Variants in LRRC7 observed in about 807,000 individuals in gnomAD.
The protein encoded by LRRC7 is leucine-rich repeat-containing protein 7.
A neutral mutation model predicts 175.7 loss-of-function variants in LRRC7; 23 were observed. The observed-to-expected ratio is 0.13, with a 90% CI of 0.09 to 0.19. The LOEUF (loss-of-function observed/expected upper bound fraction) is 0.19. Ranked by LOEUF, LRRC7 falls within the 10% of genes least tolerant of loss-of-function variation. The probability of loss-of-function intolerance (pLI) is 1.00; values close to 1 mark genes in which losing one functional copy is unlikely to be tolerated. For synonymous variants in LRRC7, 685 were observed against 680.9 expected, an observed-to-expected ratio of 1.01 and a Z score of -0.09; for missense variants, 1,354 against 1,904.7, an observed-to-expected ratio of 0.71 and a Z score of 5.38.
At chr1:70,054,754 C>T (rs56127360) in intron 23 of LRRC7, among the ~76,000 whole-genome samples, 19,413 of 151,686 alleles carry the variant, frequency 0.13, 1,696 homozygotes, top group African/African-American at 0.24. Flanking sequence ...GGCCTGCCAC[C>T]ATGCCTGGCC....
chr1:69,697,253 TTCCTCCTGGATATTTTACAC>T (rs1383104838), intron 2 of LRRC7, among the ~76,000 whole-genome samples: 34 of 152,350 alleles, frequency 2.2e-4, no homozygotes, highest in African/African-American at 7.2e-4. Flanking sequence ...ACAACTGCAA[TTCCTCCTGGATATTTTACAC>T]AAACTCAATT....
chr1:69,719,616 A>C (rs1479468364), intron 2 of LRRC7, among the ~76,000 whole-genome samples: 1 of 151,602 alleles, frequency 6.6e-6, no homozygotes, highest in Non-Finnish European at 1.5e-5. Context: ...AAATCTTTTT[A>C]AACTGTTTTT....
At chr1:69,687,110 C>T (rs1661242651) in intron 2 of LRRC7, among the ~76,000 whole-genome samples, 1 of 152,094 alleles carries the variant, frequency 6.6e-6, no homozygotes, top group African/African-American at 2.4e-5. Flanking sequence ...ATTAGCTTTG[C>T]TGTATCTTTT....
chr1:69,830,249 T>C (rs1680373102), intron 5 of LRRC7, among the ~76,000 whole-genome samples: 2 of 151,802 alleles, frequency 1.3e-5, no homozygotes, highest in African/African-American at 4.8e-5. Context: ...TAAATTACAG[T>C]ACATCTATGG....
rs145888652 is a variant in LRRC7 at position 69,890,110 on chromosome 1, G to T, written c.648-41397G>T. On this transcript the variant is annotated intron_variant, in intron 7 of 26. Transcript: ENST00000651989. ...TGATCTCCTCTCATAAATTATGATT[G>T]CTGTTAATGGCATCTAGAATGGTGA... 8.6e-4 allele frequency among the ~76,000 whole-genome samples: 131 copies of T among 152,254 alleles called. 2 individuals are homozygous for T. The highest frequency in any genetic ancestry group is 2.9e-3 in the African/African-American group (121 of 41,544).
intron 1 of LRRC7, among the ~76,000 whole-genome samples, chr1:69,671,831 C>T (rs1018345176): frequency 1.3e-5 from 2 of 152,112 alleles, no homozygotes; most frequent in Non-Finnish European, 2.9e-5. Flanking sequence ...TGCATTCATC[C>T]TGTCTCAAGT....
At chr1:69,957,851 G>T (rs1343524547) in intron 8 of LRRC7, among the ~76,000 whole-genome samples, 1 of 151,800 alleles carries the variant, frequency 6.6e-6, no homozygotes, top group Non-Finnish European at 1.5e-5. Flanking sequence ...GACCTTATTT[G>T]TTTTCCACTC....
intron 2 of LRRC7, among the ~76,000 whole-genome samples, chr1:69,697,803 T>A (rs1349697304): frequency 6.6e-6 from 1 of 152,174 alleles, no homozygotes. Context: ...TGTTCATTAG[T>A]GATAAAACTG....
chr1:70,015,488 T>C (rs1220216797), intron 13 of LRRC7, among the ~76,000 whole-genome samples: 5 of 152,154 alleles, frequency 3.3e-5, no homozygotes, highest in African/African-American at 1.2e-4. Context: ...TTCTATATTA[T>C]ATCTAAAATG....
At chr1:69,590,112 G>C (rs1438994509) in intron 1 of LRRC7, among the ~76,000 whole-genome samples, 1 of 151,948 alleles carries the variant, frequency 6.6e-6, no homozygotes, top group Non-Finnish European at 1.5e-5. Flanking sequence ...AATATTTTCT[G>C]TTCATAATAT....
intron 2 of LRRC7, among the ~76,000 whole-genome samples, chr1:69,712,196 C>T (rs1425270523): frequency 1.3e-5 from 2 of 151,792 alleles, no homozygotes; most frequent in African/African-American, 2.4e-5. Context: ...GCCAAGTGTA[C>T]CCCCAACCAA....
intron 24 of LRRC7, 97 bp downstream of exon 24, chr1:70,076,395 AT>A: frequency 9.6e-7 from 1 of 1,047,030 alleles, no homozygotes; most frequent in Non-Finnish European, 1.4e-6. Context: ...CCAGGACACA[AT>A]GCCATCACCA....
intron 2 of LRRC7, among the ~76,000 whole-genome samples, chr1:69,755,194 C>T (rs1257062061): frequency 6.6e-6 from 1 of 151,754 alleles, no homozygotes; most frequent in Non-Finnish European, 1.5e-5. Flanking sequence ...ATCAAAACTT[C>T]CTTTAAACAT....
rs568566315 is a variant in LRRC7, at chr1:70,046,507, G to T, written c.4110+2413G>T. Among the ~76,000 whole-genome samples the T allele has an allele frequency of 9.2e-5, 14 of 152,088 alleles. 1 individual carries two copies. The South Asian group carries it at 2.5e-3, about 27-fold the overall frequency. ...AATTATCGTCAATATTTTATTATCT[G>T]CACCAAAAAAAGAAGAAAAGTAGAG... On this transcript the variant is annotated intron_variant, in intron 22 of 26. Coordinates refer to ENST00000651989, the MANE Select transcript of LRRC7 (RefSeq NM_001370785.2).
intron 3 of LRRC7, among the ~76,000 whole-genome samples, chr1:69,761,466 G>A (rs1317027923): frequency 6.6e-6 from 1 of 151,918 alleles, no homozygotes; most frequent in East Asian, 1.9e-4. Flanking sequence ...ATTATAAATT[G>A]TGCTGTTTAC....
At chr1:70,086,133 A>G (rs776741037) in intron 24 of LRRC7, among the ~76,000 whole-genome samples, 2 of 151,706 alleles carry the variant, frequency 1.3e-5, no homozygotes, top group African/African-American at 2.4e-5. Flanking sequence ...TTATTTATTT[A>G]CTTATTTATT....
chr1:70,057,606 T>TTA (rs1553197515), intron 23 of LRRC7, among the ~76,000 whole-genome samples: 7 of 151,826 alleles, frequency 4.6e-5, no homozygotes, highest in African/African-American at 1.7e-4. Context: ...TTTTTTTTTT[T>TTA]AATCTTGTCT....
intron 8 of LRRC7, among the ~76,000 whole-genome samples, chr1:69,947,457 C>T: frequency 6.6e-6 from 1 of 151,936 alleles, no homozygotes; most frequent in Non-Finnish European, 1.5e-5. Context: ...CCATAAGGTG[C>T]TTATAAAATA....
chr1:69,926,931 TG>T (rs1428293704), intron 7 of LRRC7, among the ~76,000 whole-genome samples: 3 of 152,248 alleles, frequency 2.0e-5, no homozygotes, highest in African/African-American at 7.2e-5. Context: ...GGCATGATTT[TG>T]CAGTGGCTGG....
Sources: gnomAD v4.1 joint callset for allele counts (sites outside exome capture counted in the v4.1 genomes callset) on GRCh38, gnomAD v4.1.1 for gene constraint, MANE v1.5 for transcripts, NCBI Gene and HGNC (gene_info 2026-07-23, HGNC 2026-07-21) for gene names.